Variants in CTNNA2 observed in about 807,000 individuals in gnomAD.
The protein encoded by CTNNA2 is catenin alpha-2.
A neutral mutation model predicts 101.0 loss-of-function variants in CTNNA2; 42 were observed. The observed-to-expected ratio is 0.42, with a 90% CI of 0.32 to 0.54. CTNNA2 has a LOEUF of 0.54. Ranked by LOEUF, CTNNA2 falls within the 20% of genes least tolerant of loss-of-function variation. CTNNA2 has a pLI of 0.14. For missense variants in CTNNA2, 871 were observed against 1,223.1 expected (o/e 0.71, Z 4.29); for synonymous variants, 450 against 456.4 (o/e 0.99, Z 0.18).
chr2:79,724,125 T>C (rs1370246436), intron 2 of CTNNA2, among the ~76,000 whole-genome samples: 1 of 152,146 alleles, frequency 6.6e-6, no homozygotes. Flanking sequence ...CAGCCAAATG[T>C]GGAGCATCAT....
At chr2:80,083,681 A>T (rs1165228524) in intron 7 of CTNNA2, among the ~76,000 whole-genome samples, 1 of 152,166 alleles carries the variant, frequency 6.6e-6, no homozygotes, top group African/African-American at 2.4e-5. Flanking sequence ...GAATATTCTT[A>T]CTTCAATATG....
intron 7 of CTNNA2, among the ~76,000 whole-genome samples, chr2:80,286,103 C>A (rs545888865): frequency 6.6e-6 from 1 of 152,098 alleles, no homozygotes; most frequent in Admixed American, 6.6e-5. Flanking sequence ...TTTCCACTTA[C>A]CTGCTCATTG....
chr2:79,815,281 C>T (rs141964686), intron 3 of CTNNA2, among the ~76,000 whole-genome samples: 1,544 of 152,182 alleles, frequency 0.01, 49 homozygotes, highest in East Asian at 0.097. Flanking sequence ...TTAATTAAGT[C>T]GCAACTATTT....
At chr2:80,089,748 A>C (rs1052261870) in intron 7 of CTNNA2, among the ~76,000 whole-genome samples, 1 of 151,976 alleles carries the variant, frequency 6.6e-6, no homozygotes. Flanking sequence ...CTGCTTTCTC[A>C]TCAGACCTTG....
intron 4 of CTNNA2, among the ~76,000 whole-genome samples, chr2:79,426,217 T>G (rs907545674): frequency 2.6e-5 from 4 of 152,146 alleles, no homozygotes; most frequent in Non-Finnish European, 5.9e-5. Context: ...ACAAAGTCTT[T>G]GGTACTTATT....
At chr2:80,212,938 A>G (rs1308807434) in intron 7 of CTNNA2, among the ~76,000 whole-genome samples, 1 of 151,920 alleles carries the variant, frequency 6.6e-6, no homozygotes, top group African/African-American at 2.4e-5. Context: ...TGGTTTAGTC[A>G]TGGGAGGGTG....
chr2:80,215,203 A>T (rs1477971742), intron 7 of CTNNA2, among the ~76,000 whole-genome samples: 1 of 152,082 alleles, frequency 6.6e-6, no homozygotes, highest in Non-Finnish European at 1.5e-5. Context: ...ATGGGTTAGA[A>T]CATCCTCCTT....
chr2:79,838,306 A>G (rs1356980580), intron 3 of CTNNA2, among the ~76,000 whole-genome samples: 1 of 152,164 alleles, frequency 6.6e-6, no homozygotes, highest in Non-Finnish European at 1.5e-5. Context: ...GAACAAAAGC[A>G]GTTTAGATCA....
intron 4 of CTNNA2, among the ~76,000 whole-genome samples, chr2:79,466,332 G>A (rs2099206): frequency 1.1e-4 from 17 of 152,254 alleles, no homozygotes; most frequent in Admixed American, 2.0e-4. Flanking sequence ...GGCTGGGGGA[G>A]GGGTCCCCGC....
At chr2:79,564,197 A>G (rs892503225) in intron 1 of CTNNA2, among the ~76,000 whole-genome samples, 1 of 151,932 alleles carries the variant, frequency 6.6e-6, no homozygotes, top group Non-Finnish European at 1.5e-5. Flanking sequence ...ATTAAATTTC[A>G]TTGTATTGTT....
intron 2 of CTNNA2, among the ~76,000 whole-genome samples, chr2:79,215,528 G>C (rs1330438826): frequency 1.3e-5 from 2 of 152,164 alleles, no homozygotes; most frequent in Middle Eastern, 3.2e-3. Context: ...TTAATGTCAG[G>C]AGCAGATTGG....
chr2:80,232,345 G>GTTTTTTTTTTTTTTTTTTTTTTTTTTTTT (rs61454985), intron 7 of CTNNA2, among the ~76,000 whole-genome samples: 23 of 64,812 alleles, frequency 3.5e-4, no homozygotes, highest in South Asian at 1.3e-3. Flanking sequence ...TTGTTTGTTT[G>GTTTTTTTTTTTTTTTTTTTTTTTTTTTTT]TTTTTTTTTT....
At chr2:80,409,452 G>C (rs1469315808) in intron 8 of CTNNA2, among the ~76,000 whole-genome samples, 1 of 152,172 alleles carries the variant, frequency 6.6e-6, no homozygotes, top group Non-Finnish European at 1.5e-5. Context: ...GTGTGAGGTC[G>C]TGTTGATCGC....
intron 9 of CTNNA2, among the ~76,000 whole-genome samples, chr2:80,426,833 GTTGT>G (rs1359970570): frequency 2.0e-5 from 3 of 151,804 alleles, no homozygotes; most frequent in Non-Finnish European, 4.4e-5. Flanking sequence ...CTATGCTTGT[GTTGT>G]TTGTTTCCTG....
chr2:79,234,876 A>G (rs1402066327), intron 2 of CTNNA2, among the ~76,000 whole-genome samples: 1 of 152,158 alleles, frequency 6.6e-6, no homozygotes, highest in Admixed American at 6.5e-5. Flanking sequence ...TTTCAGCTCC[A>G]GAAGTTCAGG....
Position 80,133,323 on chromosome 2 carries a change from T to C in CTNNA2, c.1056+223526T>C, listed in dbSNP as rs549598334. Among the ~76,000 whole-genome samples, 193 of 152,242 alleles carry C rather than the reference T, an allele frequency of 1.3e-3. 1 individual carries two copies. The highest frequency in any genetic ancestry group is 6.8e-3 in the Middle Eastern group (2 of 294). ...ACAACTTGGTTTCAGATTTCTAGTC[T>C]CCAGAACTATGCAGTAATAAATTTC... On this transcript the variant is annotated intron_variant, in intron 7 of 18. Coordinates refer to ENST00000402739, the MANE Select transcript of CTNNA2 (RefSeq NM_001282597.3).
At position 80,493,384 on chromosome 2, in the gene CTNNA2, G is replaced by C. The variant is rs79459743; in HGVS notation, c.1291-51598G>C. The stretch of plus-strand genomic sequence containing the variant: ...GGAACCCTCTCTAAATACAACCCAG[G>C]GTACCCAGAGAACATGGAGAATAGA... On this transcript the variant is annotated intron_variant, in intron 9 of 18. Coordinates refer to ENST00000402739, the MANE Select transcript of CTNNA2 (RefSeq NM_001282597.3). 5.1e-4 allele frequency among the ~76,000 whole-genome samples: 77 copies of C among 152,208 alleles called. No homozygotes were observed. In the East Asian group the frequency reaches 0.011, roughly 21 times the overall value.
At chr2:79,992,522 T>C (rs1692253986) in intron 7 of CTNNA2, among the ~76,000 whole-genome samples, 2 of 152,210 alleles carry the variant, frequency 1.3e-5, no homozygotes, top group Admixed American at 6.5e-5. Context: ...TTCCTTGTCT[T>C]AGTTTAATAA....
chr2:79,462,807 A>G (rs574192370), intron 4 of CTNNA2, among the ~76,000 whole-genome samples: 1 of 152,326 alleles, frequency 6.6e-6, no homozygotes, highest in African/African-American at 2.4e-5. Flanking sequence ...TTGAAAAGCC[A>G]ATGAATACAG....
Sources: allele counts gnomAD v4.1 joint callset (sites outside exome capture counted in the v4.1 genomes callset), GRCh38; gene constraint gnomAD v4.1.1; transcripts MANE v1.5; gene names NCBI Gene and HGNC (gene_info 2026-07-23, HGNC 2026-07-21).